The following CCDC15 variants were observed in gnomAD, a reference collection of about 807,000 sequenced individuals.
CCDC15 encodes coiled-coil domain containing 15.
In CCDC15, 105 loss-of-function variants were observed where a neutral mutation model predicts 114.5. The ratio of observed to expected loss-of-function variants is 0.92; its 90% CI spans 0.78 to 1.08. CCDC15 has a LOEUF of 1.08. CCDC15 is among the 50% of genes least tolerant of loss of function. The probability of loss-of-function intolerance (pLI) is 0.00; values close to 1 mark genes in which losing one functional copy is unlikely to be tolerated. For synonymous variants in CCDC15, 334 were observed against 377.8 expected (o/e 0.88, Z 1.34); for missense variants, 1,105 against 1,093.6 (o/e 1.01, Z -0.15).
chr11:124,984,792 G>T (rs767753046), intron 6 of CCDC15, among the ~76,000 whole-genome samples: 5 of 152,058 alleles, frequency 3.3e-5, no homozygotes, highest in Admixed American at 6.5e-5. Context: ...CCTCTTCAAG[G>T]TTCCCACCTT....
intron 13 of CCDC15, 188 bp from the exon 14 acceptor site, chr11:125,038,243 C>CT: frequency 2.2e-6 from 1 of 444,904 alleles, no homozygotes; most frequent in South Asian, 4.0e-5. Context: ...TTAATAGTAG[C>CT]CATTGCTCAT....
chr11:125,011,345 C>A (rs1317557409), intron 13 of CCDC15, among the ~76,000 whole-genome samples: 1 of 151,848 alleles, frequency 6.6e-6, no homozygotes, highest in Non-Finnish European at 1.5e-5. Context: ...TCAAGCGATT[C>A]TCCTGCCTCA....
intron 13 of CCDC15, among the ~76,000 whole-genome samples, chr11:125,036,013 C>T (rs1259242065): frequency 1.3e-5 from 2 of 150,250 alleles, no homozygotes; most frequent in East Asian, 3.9e-4. Flanking sequence ...GTAGCTTACA[C>T]ACCACAATTA....
rs769135385 is a variant in CCDC15, at chr11:124,993,156, G to T, written c.2140-13G>T. On this transcript the variant is annotated splice_polypyrimidine_tract_variant and intron_variant, in intron 10 of 15. Transcript: ENST00000344762. ...GCTTAGACAATCAGTTTTGTATTTTGTTGTTCCTTTAGAACAAGCATATCA... is the reference window on the plus strand; with the variant it reads ...GCTTAGACAATCAGTTTTGTATTTTTTTGTTCCTTTAGAACAAGCATATCA... 2.2e-4 allele frequency: 337 copies of T among 1,554,260 alleles called. 1 individual carries two copies. Among genetic ancestry groups the T allele is most frequent in the Non-Finnish European group, 2.7e-4 (305 of 1,131,218 alleles).
intron 11 of CCDC15, among the ~76,000 whole-genome samples, chr11:124,998,496 A>G (rs1442896949): frequency 3.3e-5 from 5 of 152,058 alleles, no homozygotes; most frequent in African/African-American, 1.2e-4. Context: ...TCTTCATATT[A>G]TCTTATAATA....
At chr11:125,008,184 G>A (rs1259441236) in intron 13 of CCDC15, among the ~76,000 whole-genome samples, 1 of 152,018 alleles carries the variant, frequency 6.6e-6, no homozygotes, top group Non-Finnish European at 1.5e-5. Flanking sequence ...ATTTTATTTA[G>A]TTGTCCTTTG....
chr11:125,029,401 A>G (rs1468939319), intron 13 of CCDC15, among the ~76,000 whole-genome samples: 1 of 152,250 alleles, frequency 6.6e-6, no homozygotes, highest in Non-Finnish European at 1.5e-5. Context: ...TAATACAACT[A>G]TTCTTCATAC....
intron 6 of CCDC15, among the ~76,000 whole-genome samples, chr11:124,981,189 G>T (rs1169680733): frequency 6.6e-6 from 1 of 152,116 alleles, no homozygotes; most frequent in Admixed American, 6.5e-5. Flanking sequence ...TTTTATGGCT[G>T]ATTGTGTGGT....
At chr11:124,959,090 C>T in intron 2 of CCDC15, 25 bp from the exon 3 acceptor site, 1 of 1,503,422 alleles carries the variant, frequency 6.7e-7, no homozygotes, top group Non-Finnish European at 8.9e-7. Context: ...CATTTAAGTT[C>T]ATTTTCTGTC....
chr11:125,001,143 G>A (rs1197036677), intron 11 of CCDC15, among the ~76,000 whole-genome samples: 1 of 152,024 alleles, frequency 6.6e-6, no homozygotes, highest in Non-Finnish European at 1.5e-5. Flanking sequence ...CACCAACATA[G>A]AACACAAAAA....
At chr11:124,966,393 T>C (rs1194580607) in intron 4 of CCDC15, among the ~76,000 whole-genome samples, 1 of 152,234 alleles carries the variant, frequency 6.6e-6, no homozygotes, top group Non-Finnish European at 1.5e-5. Context: ...TACCGTTATG[T>C]AATGGCCTTG....
At chr11:124,973,184 A>G (rs1039592495) in intron 4 of CCDC15, among the ~76,000 whole-genome samples, 1 of 152,318 alleles carries the variant, frequency 6.6e-6, no homozygotes, top group East Asian at 1.9e-4. Context: ...TTAAGGGCCT[A>G]TAATCAATGT....
chr11:125,027,199 C>T (rs150128988), intron 13 of CCDC15, among the ~76,000 whole-genome samples: 114 of 152,114 alleles, frequency 7.5e-4, no homozygotes, highest in Middle Eastern at 3.4e-3. Context: ...TCTGTAAATA[C>T]GCATGTACCT....
chr11:125,031,247 G>C (rs1006188917), intron 13 of CCDC15, among the ~76,000 whole-genome samples: 1 of 152,190 alleles, frequency 6.6e-6, no homozygotes, highest in African/African-American at 2.4e-5. Flanking sequence ...CCTGCATATC[G>C]TGCAGAACCA....
chr11:125,020,392 C>G (rs1037032793), intron 13 of CCDC15, among the ~76,000 whole-genome samples: 15 of 151,896 alleles, frequency 9.9e-5, no homozygotes, highest in African/African-American at 3.4e-4. Context: ...AGTGCTTTGG[C>G]ATTATATGAA....
intron 11 of CCDC15, among the ~76,000 whole-genome samples, chr11:124,996,337 A>G (rs1023147586): frequency 6.6e-6 from 1 of 152,136 alleles, no homozygotes; most frequent in Non-Finnish European, 1.5e-5. Context: ...CTATCACACA[A>G]TAACTGCCTT....
chr11:124,975,605 T>C (rs530402930), intron 5 of CCDC15, among the ~76,000 whole-genome samples: 38 of 152,276 alleles, frequency 2.5e-4, no homozygotes, highest in African/African-American at 9.1e-4. Context: ...GCTTCTGTGC[T>C]AGTTGGGAAG....
At chr11:124,985,162 A>G (rs1304709179) in intron 6 of CCDC15, among the ~76,000 whole-genome samples, 1 of 152,166 alleles carries the variant, frequency 6.6e-6, no homozygotes, top group Non-Finnish European at 1.5e-5. Flanking sequence ...GTTCATCCAC[A>G]TTGTAGTGGA....
intron 13 of CCDC15, 141 bp from the exon 14 acceptor site, chr11:125,038,290 T>A: frequency 1.8e-6 from 1 of 541,874 alleles, no homozygotes; most frequent in East Asian, 3.4e-5. Flanking sequence ...CAGCAGAAAT[T>A]TTTGAGGATA....
Sources: gnomAD v4.1 joint callset for allele counts (sites outside exome capture counted in the v4.1 genomes callset) on GRCh38, gnomAD v4.1.1 for gene constraint, MANE v1.5 for transcripts, NCBI Gene and HGNC (gene_info 2026-07-23, HGNC 2026-07-21) for gene names.